The following PI4KA variants were observed in gnomAD, a reference collection of about 807,000 sequenced individuals.
PI4KA encodes the protein phosphatidylinositol 4-kinase alpha, also known as PI4-kinase alpha.
A neutral mutation model predicts 271.4 loss-of-function variants in PI4KA; 122 were observed. The observed-to-expected ratio is 0.45, with a 90% CI of 0.39 to 0.52. The LOEUF (loss-of-function observed/expected upper bound fraction) is 0.52, where lower values mean the gene tolerates loss of function less well. PI4KA is among the 20% of genes least tolerant of loss of function. The probability of loss-of-function intolerance (pLI) is 0.00; values close to 1 mark genes in which losing one functional copy is unlikely to be tolerated. For missense variants in PI4KA, 1,969 were observed against 2,769.1 expected (o/e 0.71, Z 6.48); for synonymous variants, 1,041 against 1,078.8 (o/e 0.96, Z 0.69).
intron 43 of PI4KA, among the ~76,000 whole-genome samples, chr22:20,720,746 CT>C (rs1195291064): frequency 6.6e-6 from 1 of 152,186 alleles, no homozygotes; most frequent in East Asian, 1.9e-4. Flanking sequence ...AAATGCCACT[CT>C]TTTGGCTCAT....
chr22:20,818,381 G>T, intron 7 of PI4KA, 102 bp downstream of exon 7: 2 of 797,598 alleles, frequency 2.5e-6, no homozygotes, highest in South Asian at 3.8e-5. Flanking sequence ...GTCCATCCAT[G>T]ACAACAGAGT....
chr22:20,796,629 C>G (rs1414308546), intron 17 of PI4KA, among the ~76,000 whole-genome samples: 1 of 152,226 alleles, frequency 6.6e-6, no homozygotes, highest in Non-Finnish European at 1.5e-5. Flanking sequence ...GGACACTTCC[C>G]TCAGGGCTGA....
intron 40 of PI4KA, 131 bp from the exon 41 acceptor site, chr22:20,727,528 C>T: frequency 1.1e-6 from 1 of 883,976 alleles, no homozygotes; most frequent in Non-Finnish European, 1.7e-6. Context: ...GGGGAAGATG[C>T]TTCTGATGTG....
At chr22:20,758,132 G>A (rs529255899) in intron 23 of PI4KA, among the ~76,000 whole-genome samples, 14 of 151,998 alleles carry the variant, frequency 9.2e-5, no homozygotes, top group East Asian at 3.9e-4. Context: ...TTGGGAGGCC[G>A]AGGCGGGCGG....
At position 20,780,775 on chromosome 22, in the gene PI4KA, C is replaced by CAA. The variant is rs538327544; in HGVS notation, c.2328+12416_2328+12417dup. ...TGGACGACAGAGTGAGACTCCATCTCAAAAAAAAAAAAAAAAGAAGTAAAA... is the reference window on the plus strand; with the variant it reads ...TGGACGACAGAGTGAGACTCCATCTCAAAAAAAAAAAAAAAAAAGAAGTAAAA... On this transcript the variant is annotated intron_variant, in intron 19 of 54. Transcript: ENST00000255882. 4.3e-3 allele frequency among the ~76,000 whole-genome samples: 294 copies of CAA among 67,690 alleles called. 10 individuals carry two copies. Among genetic ancestry groups the CAA allele is most frequent in the Non-Finnish European group, 6.6e-3 (241 of 36,636 alleles). 44.4% of individuals were successfully genotyped at this position (67,690 alleles called of 152,430 possible).
At chr22:20,813,531 T>C in intron 7 of PI4KA, 25 bp from the exon 8 acceptor site, 10 of 1,611,308 alleles carry the variant, frequency 6.2e-6, no homozygotes, top group Non-Finnish European at 8.5e-6. Context: ...AGCTGGAAAC[T>C]CAGCCGTGGT....
intron 9 of PI4KA, among the ~76,000 whole-genome samples, chr22:20,810,571 C>T (rs1158019624): frequency 6.6e-6 from 1 of 151,746 alleles, no homozygotes; most frequent in Non-Finnish European, 1.5e-5. Context: ...GACTTGCATA[C>T]GCCTAGAAAA....
chr22:20,842,145 T>C (rs1925634185), intron 1 of PI4KA, among the ~76,000 whole-genome samples: 1 of 152,020 alleles, frequency 6.6e-6, no homozygotes, highest in Non-Finnish European at 1.5e-5. Context: ...GGAGAATTGC[T>C]TGAACCCGGG....
intron 1 of PI4KA, among the ~76,000 whole-genome samples, chr22:20,852,429 A>G (rs1444290021): frequency 6.6e-6 from 1 of 152,216 alleles, no homozygotes; most frequent in Non-Finnish European, 1.5e-5. Context: ...TGACACCTTC[A>G]TCTTGAACTT....
At chr22:20,833,891 C>T (rs1924537130) in intron 3 of PI4KA, among the ~76,000 whole-genome samples, 1 of 151,938 alleles carries the variant, frequency 6.6e-6, no homozygotes, top group East Asian at 1.9e-4. Context: ...AACTCCTGAC[C>T]TCGTGATACA....
At chr22:20,779,617 C>T in intron 19 of PI4KA, 4 of 1,614,158 alleles carry the variant, frequency 2.5e-6, no homozygotes, top group Non-Finnish European at 3.4e-6. Flanking sequence ...CTGTCAGTTT[C>T]CCCGACAGAC....
chr22:20,727,762 G>A lies in PI4KA; in HGVS notation c.4773+12C>T, dbSNP rs751845006. ...AGTTTGAACTCAGGCCCTGGTACGTGGGCTACACTACCTTGATTGCTTCAG... is the reference window on the plus strand; with the variant it reads ...AGTTTGAACTCAGGCCCTGGTACGTAGGCTACACTACCTTGATTGCTTCAG... On this transcript the variant is annotated intron_variant, in intron 40 of 54. Transcript: ENST00000255882. 1.6e-5 allele frequency: 26 copies of A among 1,603,936 alleles called. No individual in the cohort carries two copies. The highest frequency in any genetic ancestry group is 2.2e-5 in the Non-Finnish European group (26 of 1,171,040).
Position 20,711,893 on chromosome 22 carries a change from C to T in PI4KA, c.5803-432G>A, listed in dbSNP as rs1925332163. Among the ~76,000 whole-genome samples the T allele has an allele frequency of 2.8e-5, 4 of 143,430 alleles. No homozygotes were observed. The South Asian group carries it at 6.7e-4, about 24-fold the overall frequency. 94.1% of individuals were successfully genotyped at this position (143,430 alleles called of 152,430 possible). ...CCGAGTAGCTGGGACTACAGGTGCC[C>T]ACCACCATGCCCAGTTAATTTTTTT... is the stretch of plus-strand genomic sequence containing the variant. On this transcript the variant is annotated intron_variant, in intron 50 of 54. Transcript: ENST00000255882.
intron 7 of PI4KA, among the ~76,000 whole-genome samples, chr22:20,814,023 T>G (rs1292336007): frequency 6.6e-6 from 1 of 152,202 alleles, no homozygotes; most frequent in South Asian, 2.1e-4. Context: ...AGTCTCGAAC[T>G]CCTGACCTCA....
chr22:20,803,754 G>A (rs1277057008), intron 12 of PI4KA, among the ~76,000 whole-genome samples: 1 of 152,202 alleles, frequency 6.6e-6, no homozygotes, highest in East Asian at 1.9e-4. Flanking sequence ...TTGGGCTCAA[G>A]CGATCCTCCC....
At chr22:20,783,871 A>G in intron 19 of PI4KA, 1 of 1,514,700 alleles carries the variant, frequency 6.6e-7, no homozygotes, top group Non-Finnish European at 9.2e-7. Flanking sequence ...TCTGCAGGCT[A>G]TCTGAATGAG....
intron 7 of PI4KA, among the ~76,000 whole-genome samples, chr22:20,815,936 C>CT (rs1428434011): frequency 6.7e-6 from 1 of 149,896 alleles, no homozygotes; most frequent in East Asian, 2.0e-4. Flanking sequence ...GTCATTGAAA[C>CT]TTCTTTTTTT....
In PI4KA at chr22:20,707,906, C is replaced by A; in HGVS notation, c.*141G>T. 1 of 805,136 alleles carries A rather than the reference C, an allele frequency of 1.2e-6. No homozygotes were observed. Among genetic ancestry groups the A allele is most frequent in the Non-Finnish European group, 2.2e-6 (1 of 446,532 alleles). The allele number at this position is 805,136 out of a possible 1,614,324, so 49.9% of individuals were successfully genotyped here. A position where few individuals can be genotyped will look rare whatever the true frequency, so the allele number is the denominator to read the frequency against. ...CAAGGCTGCGCCACCCACGTGCTGCCCCAGGAGGCGCTACCAGGTTCTTTG... is the reference window on the plus strand; with the variant it reads ...CAAGGCTGCGCCACCCACGTGCTGCACCAGGAGGCGCTACCAGGTTCTTTG... On this transcript the variant is annotated 3_prime_UTR_variant, in exon 55 of 55. Transcript: ENST00000255882.
chr22:20,709,143 A>C (rs1360007593), intron 54 of PI4KA, among the ~76,000 whole-genome samples, 153 bp downstream of exon 54: 10 of 151,748 alleles, frequency 6.6e-5, no homozygotes, highest in African/African-American at 2.4e-4. Flanking sequence ...CCAGCACCCC[A>C]CTGCTCCTCA....
Sources: allele counts gnomAD v4.1 joint callset (sites outside exome capture counted in the v4.1 genomes callset), GRCh38; gene constraint gnomAD v4.1.1; transcripts MANE v1.5; gene names NCBI Gene and HGNC (gene_info 2026-07-23, HGNC 2026-07-21).